The following EXOC6B variants were observed in gnomAD, a reference collection of about 807,000 sequenced individuals.
EXOC6B encodes the protein SEC15 homolog B.
In EXOC6B, 54 loss-of-function variants were observed where a neutral mutation model predicts 113.5. The observed-to-expected ratio is 0.48, with a 90% CI of 0.38 to 0.60. The LOEUF (loss-of-function observed/expected upper bound fraction) is 0.60. Ranked by LOEUF, EXOC6B falls within the 20% of genes least tolerant of loss-of-function variation. EXOC6B has a pLI of 0.00. For missense variants in EXOC6B, 797 were observed against 977.5 expected (o/e 0.82, Z 2.46); for synonymous variants, 357 against 339.0 (o/e 1.05, Z -0.58).
At chr2:72,788,930 T>C (rs529373878) in intron 1 of EXOC6B, among the ~76,000 whole-genome samples, 6 of 152,354 alleles carry the variant, frequency 3.9e-5, no homozygotes, top group African/African-American at 9.6e-5. Flanking sequence ...AAGATCCTCA[T>C]GTCAGCTTTT....
At chr2:72,780,939 T>C (rs182517179) in intron 1 of EXOC6B, among the ~76,000 whole-genome samples, 1 of 152,314 alleles carries the variant, frequency 6.6e-6, no homozygotes, top group African/African-American at 2.4e-5. Context: ...AAAAAAACTT[T>C]TAAATTGGGT....
At chr2:72,184,008 C>A in intron 21 of EXOC6B, 67 bp downstream of exon 21, 1 of 922,618 alleles carries the variant, frequency 1.1e-6, no homozygotes, top group Non-Finnish European at 1.7e-6. Context: ...GCAAAATTAT[C>A]TTCTACGCCA....
At chr2:72,645,014 C>G (rs528033840) in intron 6 of EXOC6B, among the ~76,000 whole-genome samples, 2 of 152,228 alleles carry the variant, frequency 1.3e-5, no homozygotes, top group Admixed American at 1.3e-4. Flanking sequence ...GAGTCAAGAT[C>G]CATCAGTGTG....
At chr2:72,664,706 G>A (rs1433238879) in intron 6 of EXOC6B, among the ~76,000 whole-genome samples, 1 of 152,190 alleles carries the variant, frequency 6.6e-6, no homozygotes, top group African/African-American at 2.4e-5. Context: ...TGGGACTGGA[G>A]TACATCTATT....
chr2:72,236,986 T>A (rs1681995902), intron 20 of EXOC6B, among the ~76,000 whole-genome samples: 1 of 151,738 alleles, frequency 6.6e-6, no homozygotes, highest in Non-Finnish European at 1.5e-5. Flanking sequence ...AAGATGACAT[T>A]GCTATAAAAT....
At position 72,637,466 on chromosome 2, in the gene EXOC6B, C is replaced by T. The variant is rs144039169; in HGVS notation, c.670-61798G>A. ...ACAAACAACTCCATTTAAAAGTGGG[C>T]AAAGGACATGAACAGAACCTATCCA... is the stretch of plus-strand genomic sequence containing the variant. On this transcript the variant is annotated intron_variant, in intron 6 of 21. Coordinates refer to ENST00000272427, the MANE Select transcript of EXOC6B (RefSeq NM_015189.3). 4.9e-3 allele frequency among the ~76,000 whole-genome samples: 752 copies of T among 152,140 alleles called. 3 individuals are homozygous for T. Among genetic ancestry groups the T allele is most frequent in the African/African-American group, 0.017 (702 of 41,508 alleles).
At chr2:72,650,180 T>C (rs1028596311) in intron 6 of EXOC6B, among the ~76,000 whole-genome samples, 1 of 152,168 alleles carries the variant, frequency 6.6e-6, no homozygotes, top group Non-Finnish European at 1.5e-5. Context: ...CTTATGAGAA[T>C]CCAATGCCTG....
intron 1 of EXOC6B, among the ~76,000 whole-genome samples, chr2:72,805,573 T>A (rs1043758508): frequency 5.9e-5 from 9 of 152,196 alleles, no homozygotes; most frequent in African/African-American, 9.6e-5. Flanking sequence ...TATGTATACA[T>A]TGTGAAATGA....
intron 20 of EXOC6B, among the ~76,000 whole-genome samples, chr2:72,280,260 T>C (rs1685055168): frequency 6.6e-6 from 1 of 152,134 alleles, no homozygotes; most frequent in African/African-American, 2.4e-5. Context: ...CAGGCATCAC[T>C]TATGCCTGCT....
chr2:72,187,986 C>T (rs1678555113), intron 20 of EXOC6B, among the ~76,000 whole-genome samples: 1 of 152,198 alleles, frequency 6.6e-6, no homozygotes, highest in African/African-American at 2.4e-5. Context: ...GAGGGCCTTC[C>T]CAGGCCCCCA....
intron 8 of EXOC6B, among the ~76,000 whole-genome samples, chr2:72,543,186 C>A (rs1702708427): frequency 6.6e-6 from 1 of 151,952 alleles, no homozygotes; most frequent in African/African-American, 2.4e-5. Flanking sequence ...AAAGAACAAC[C>A]AGAAATGAGG....
At chr2:72,792,021 AG>A (rs1684696515) in intron 1 of EXOC6B, among the ~76,000 whole-genome samples, 1 of 152,228 alleles carries the variant, frequency 6.6e-6, no homozygotes, top group Non-Finnish European at 1.5e-5. Context: ...TAGTTCAACC[AG>A]GTTCTGTTGC....
rs140166319 is a variant in EXOC6B at position 72,516,904 on chromosome 2, C to G, written c.916-1778G>C. Among the ~76,000 whole-genome samples, 580 of 152,188 alleles carry G rather than the reference C, an allele frequency of 3.8e-3. 4 individuals are homozygous for G. The highest frequency in any genetic ancestry group is 7.9e-3 in the South Asian group (38 of 4,826). On this transcript the variant is annotated intron_variant, in intron 8 of 21. Coordinates refer to ENST00000272427, the MANE Select transcript of EXOC6B (RefSeq NM_015189.3). ...TAAAATCAATGATTAAAGTAAAAGCCCTGCCCACCTAAAAAAAGTATAAAT... is the reference window on the plus strand; with the variant it reads ...TAAAATCAATGATTAAAGTAAAAGCGCTGCCCACCTAAAAAAAGTATAAAT...
chr2:72,390,277 A>G (rs957061423), intron 18 of EXOC6B, among the ~76,000 whole-genome samples: 1 of 152,156 alleles, frequency 6.6e-6, no homozygotes, highest in Non-Finnish European at 1.5e-5. Context: ...TCCTTTTTGT[A>G]TAACTTCTAT....
intron 20 of EXOC6B, among the ~76,000 whole-genome samples, chr2:72,271,374 A>C (rs757835281): frequency 6.6e-6 from 1 of 152,152 alleles, no homozygotes; most frequent in Non-Finnish European, 1.5e-5. Context: ...GCCTACATTA[A>C]GCAGTATCTC....
At chr2:72,622,862 C>T (rs1201443586) in intron 6 of EXOC6B, among the ~76,000 whole-genome samples, 1 of 152,078 alleles carries the variant, frequency 6.6e-6, no homozygotes, top group Non-Finnish European at 1.5e-5. Flanking sequence ...GAATGTGAAA[C>T]AACCAGAATT....
intron 8 of EXOC6B, among the ~76,000 whole-genome samples, chr2:72,556,676 T>C (rs963276412): frequency 1.3e-5 from 2 of 151,952 alleles, no homozygotes; most frequent in African/African-American, 4.8e-5. Flanking sequence ...TGGGTTAAGA[T>C]GAAAATCTAA....
rs1159672582 is a variant in EXOC6B, at chr2:72,532,271, A to G, written c.916-17145T>C. Among the ~76,000 whole-genome samples the G allele has an allele frequency of 5.3e-5, 8 of 152,298 alleles. No homozygotes were observed. The South Asian group carries it at 8.3e-4, about 16-fold the overall frequency. On this transcript the variant is annotated intron_variant, in intron 8 of 21. Transcript: ENST00000272427. ...AGAAAAATGTCCACAGTGAATAGTC[A>G]TTTCAAAAATGCAAGTGAAATTAAC...
At chr2:72,557,269 A>T (rs1312029285) in intron 8 of EXOC6B, among the ~76,000 whole-genome samples, 1 of 131,350 alleles carries the variant, frequency 7.6e-6, no homozygotes, top group Non-Finnish European at 1.6e-5. Context: ...GGAAAAAAAT[A>T]TAATGAAACA....
Sources: gnomAD v4.1 joint callset for allele counts (sites outside exome capture counted in the v4.1 genomes callset) on GRCh38, gnomAD v4.1.1 for gene constraint, MANE v1.5 for transcripts, NCBI Gene and HGNC (gene_info 2026-07-23, HGNC 2026-07-21) for gene names.